The following VPS50 variants were observed in gnomAD, a reference collection of about 807,000 sequenced individuals.
VPS50 encodes the protein syndetin.
In VPS50, 70 loss-of-function variants were observed where a neutral mutation model predicts 139.7. The observed-to-expected ratio is 0.50, with a 90% CI of 0.41 to 0.61. VPS50 has a LOEUF of 0.61. VPS50 is among the 20% of genes least tolerant of loss of function. The probability of loss-of-function intolerance (pLI) is 0.00; values close to 1 mark genes in which losing one functional copy is unlikely to be tolerated. For missense variants in VPS50, 921 were observed against 1,133.7 expected (o/e 0.81, Z 2.69); for synonymous variants, 365 against 376.7 (o/e 0.97, Z 0.36).
In VPS50 at chr7:93,349,885, C is replaced by G; in HGVS notation, c.2315C>G (p.Thr772Ser). Reference protein sequence around the residue: ...LQQFYSQTVSTASELRKPIYW... With the variant: ...LQQFYSQTVSSASELRKPIYW... ...TGAAATTTATTTCAGACAGTCTCAA[C>G]CGCCAGTGAACTACGGAAACCAATT... The change falls in exon 25 of 28, where the codon ACC becomes AGC. Residue 772 changes from threonine (T) to serine (S), a missense_variant. Physicochemically the swap from Thr to Ser is moderately conservative, Grantham distance 58. Transcript: ENST00000305866. 6.2e-7 allele frequency: 1 copy of G among 1,610,210 alleles called. No homozygotes were observed. The highest frequency in any genetic ancestry group is 8.5e-7 in the Non-Finnish European group (1 of 1,178,644).
intron 16 of VPS50, among the ~76,000 whole-genome samples, chr7:93,303,068 T>C (rs991587135): frequency 6.6e-6 from 1 of 152,020 alleles, no homozygotes; most frequent in Non-Finnish European, 1.5e-5. Flanking sequence ...AATATGTTGG[T>C]ATTTATGATC....
Position 93,305,911 on chromosome 7 carries a change from C to G in VPS50, c.1536C>G (p.Thr512=). The part of the protein sequence containing the change: ...QPVSTSSKTV[T]LFEQYCSGGN... ...TCTCAACTTCTTCAAAAACAGTGAC[C>G]TTGTTTGAGCAGTACTGTAGTGGTG... The change falls in exon 18 of 28, where the codon ACC becomes ACG. Residue 512 remains threonine, a synonymous_variant. Coordinates refer to ENST00000305866, the MANE Select transcript of VPS50 (RefSeq NM_017667.4). The G allele has an allele frequency of 6.2e-7, 1 of 1,611,474 alleles. No homozygotes were observed. The highest frequency in any genetic ancestry group is 8.5e-7 in the Non-Finnish European group (1 of 1,177,826).
intron 27 of VPS50, among the ~76,000 whole-genome samples, chr7:93,357,509 G>C (rs542543717): frequency 2.9e-4 from 44 of 152,268 alleles, no homozygotes; most frequent in African/African-American, 1.0e-3. Context: ...TGCTCTCAGA[G>C]ATCAGATACA....
intron 12 of VPS50, among the ~76,000 whole-genome samples, chr7:93,279,275 G>A (rs1318431933): frequency 6.6e-6 from 1 of 152,048 alleles, no homozygotes; most frequent in Non-Finnish European, 1.5e-5. Context: ...GGTTAAATCA[G>A]GTAAGATTTG....
chr7:93,358,602 C>G lies in VPS50; in HGVS notation c.*166C>G. ...TGAAATGTGTGTGGTGTTCTCATGA[C>G]TTTTATATGCTGTGGTCTCTTCAAC... On this transcript the variant is annotated 3_prime_UTR_variant, in exon 28 of 28. Coordinates refer to ENST00000305866, the MANE Select transcript of VPS50 (RefSeq NM_017667.4). 3.4e-6 allele frequency: 2 copies of G among 587,876 alleles called. No homozygotes were observed. Among genetic ancestry groups the G allele is most frequent in the East Asian group, 5.8e-5 (2 of 34,728 alleles). 36.4% of individuals were successfully genotyped at this position (587,876 alleles called of 1,614,324 possible). A position where few individuals can be genotyped will look rare whatever the true frequency, so the allele number is the denominator to read the frequency against.
intron 20 of VPS50, among the ~76,000 whole-genome samples, chr7:93,311,536 G>A (rs944599121): frequency 2.6e-5 from 4 of 152,016 alleles, no homozygotes; most frequent in Admixed American, 6.6e-5. Context: ...TAATTGAAAT[G>A]CGATGAAAAA....
chr7:93,348,592 AAAGT>A, intron 23 of VPS50, 115 bp from the exon 24 acceptor site: 3 of 675,872 alleles, frequency 4.4e-6, no homozygotes, highest in Non-Finnish European at 7.7e-6. Context: ...ACTAAAGTGG[AAAGT>A]AATTTTTATT....
At chr7:93,261,673 G>C (rs1304890630) in intron 9 of VPS50, among the ~76,000 whole-genome samples, 5 of 107,294 alleles carry the variant, frequency 4.7e-5, no homozygotes, top group African/African-American at 7.5e-5. Context: ...GCGAGACTCC[G>C]TCTCAAAAAA....
intron 2 of VPS50, among the ~76,000 whole-genome samples, chr7:93,245,762 A>G (rs1795131692): frequency 1.3e-5 from 2 of 151,924 alleles, no homozygotes; most frequent in Non-Finnish European, 2.9e-5. Flanking sequence ...TTTAAAAGAT[A>G]AGTTTATTTA....
Position 93,294,640 on chromosome 7 carries a change from TG to T in VPS50, c.1167+6del. ...TGGACTTACACGAATATGGCAGGTT[TG>T]GTTTTTTTAAAATTATTTTTTTCAC... On this transcript the variant is annotated splice_donor_5th_base_variant and intron_variant, in intron 14 of 27. Transcript: ENST00000305866. 6.4e-7 allele frequency: 1 copy of T among 1,570,342 alleles called. No individual in the cohort carries two copies. Among genetic ancestry groups the T allele is most frequent in the Non-Finnish European group, 8.6e-7 (1 of 1,165,204 alleles).
chr7:93,295,705 T>C (rs1796787608), intron 14 of VPS50, among the ~76,000 whole-genome samples: 1 of 152,106 alleles, frequency 6.6e-6, no homozygotes, highest in African/African-American at 2.4e-5. Flanking sequence ...ACCATCTTTT[T>C]TTTTCTTTCT....
At position 93,253,860 on chromosome 7, in the gene VPS50, A is replaced by T; in HGVS notation, c.226A>T (p.Lys76Ter). ...SFDIVKYELEKLPPVLNLQEL... is the reference protein window; with the variant it reads ...SFDIVKYELE ...TTCTTTCATGAATTTTTTTCTGTAG[A>T]AGCTTCCACCTGTTCTCAATTTGCA... The change falls in exon 4 of 28, where the codon AAG (lysine) becomes TAG (stop). Residue 76 changes from lysine (K) to a stop codon, truncating the protein, a stop_gained and splice_region_variant. Transcript: ENST00000305866. LOFTEE classifies it high-confidence loss of function. The T allele has an allele frequency of 6.4e-7, 1 of 1,574,716 alleles. No homozygotes were observed. The highest frequency in any genetic ancestry group is 8.7e-7 in the Non-Finnish European group (1 of 1,148,248).
intron 9 of VPS50, among the ~76,000 whole-genome samples, chr7:93,266,579 G>A (rs957687421): frequency 1.9e-4 from 29 of 152,166 alleles, no homozygotes; most frequent in African/African-American, 6.8e-4. Context: ...AATATTTCCT[G>A]TAGTGATGGT....
At chr7:93,235,197 G>A (rs1017148953) in intron 1 of VPS50, among the ~76,000 whole-genome samples, 1 of 152,188 alleles carries the variant, frequency 6.6e-6, no homozygotes, top group Admixed American at 6.5e-5. Context: ...TGAGGCAGGA[G>A]CTTGTTTGAG....
intron 15 of VPS50, 120 bp from the exon 16 acceptor site, chr7:93,297,025 G>T: frequency 6.9e-7 from 1 of 1,454,912 alleles, no homozygotes; most frequent in Non-Finnish European, 9.0e-7. Context: ...GTGATCTTTA[G>T]AATTTTTTCA....
chr7:93,240,246 C>CAT (rs1794943950), intron 2 of VPS50, among the ~76,000 whole-genome samples: 1 of 143,876 alleles, frequency 7.0e-6, no homozygotes, highest in African/African-American at 2.8e-5. Flanking sequence ...CACACACACA[C>CAT]ACACTCTCTC....
At chr7:93,350,777 G>A (rs1229745200) in intron 25 of VPS50, among the ~76,000 whole-genome samples, 1 of 152,156 alleles carries the variant, frequency 6.6e-6, no homozygotes, top group African/African-American at 2.4e-5. Context: ...CTCAGAGAAG[G>A]ACCCTGATAA....
At chr7:93,249,559 G>A (rs1795257290) in intron 2 of VPS50, among the ~76,000 whole-genome samples, 1 of 152,062 alleles carries the variant, frequency 6.6e-6, no homozygotes, top group Non-Finnish European at 1.5e-5. Context: ...TTTCTGGCTT[G>A]GCTCTATTTC....
intron 9 of VPS50, among the ~76,000 whole-genome samples, chr7:93,267,019 T>C (rs1228679624): frequency 6.6e-6 from 1 of 152,226 alleles, no homozygotes; most frequent in Non-Finnish European, 1.5e-5. Flanking sequence ...GATATAGAAT[T>C]ACTTACCTTT....
Sources: allele counts gnomAD v4.1 joint callset (sites outside exome capture counted in the v4.1 genomes callset), GRCh38; gene constraint gnomAD v4.1.1; transcripts MANE v1.5; gene names NCBI Gene and HGNC (gene_info 2026-07-23, HGNC 2026-07-21).